Variants in DPP6 observed in about 807,000 individuals in gnomAD.
DPP6 encodes dipeptidyl peptidase like 6, also known as A-type potassium channel modulatory protein DPP6.
Under a neutral mutation model 122.6 loss-of-function variants are expected in DPP6, and 69 were observed. The ratio of observed to expected loss-of-function variants is 0.56; its 90% CI spans 0.46 to 0.69. The LOEUF is 0.69. DPP6 is among the 30% of genes least tolerant of loss of function. The probability of loss-of-function intolerance (pLI) is 0.00; values close to 1 mark genes in which losing one functional copy is unlikely to be tolerated. For synonymous variants in DPP6, 418 were observed against 433.1 expected (o/e 0.97, Z 0.43); for missense variants, 928 against 1,116.9 (o/e 0.83, Z 2.41).
chr7:154,215,303 C>T (rs1799940357), intron 1 of DPP6, among the ~76,000 whole-genome samples: 1 of 152,060 alleles, frequency 6.6e-6, no homozygotes, highest in African/African-American at 2.4e-5. Flanking sequence ...TGGGAAACCT[C>T]CCCCGTAATA....
intron 2 of DPP6, among the ~76,000 whole-genome samples, chr7:154,459,667 A>T (rs555869446): frequency 1.3e-5 from 2 of 151,872 alleles, no homozygotes; most frequent in African/African-American, 4.8e-5. Flanking sequence ...AAATACAAAA[A>T]TTAGACAGGC....
intron 3 of DPP6, among the ~76,000 whole-genome samples, chr7:154,531,877 C>G (rs1290302331): frequency 1.3e-5 from 2 of 151,870 alleles, no homozygotes; most frequent in Non-Finnish European, 2.9e-5. Context: ...ATTATAACTT[C>G]TAAGACAACC....
chr7:154,794,056 C>A, intron 10 of DPP6, 23 bp from the exon 11 acceptor site: 1 of 1,609,864 alleles, frequency 6.2e-7, no homozygotes, highest in Non-Finnish European at 8.5e-7. Context: ...CCAAGCTGCT[C>A]ATGCTGTGTT....
At chr7:154,545,203 C>T (rs1248907289) in intron 4 of DPP6, among the ~76,000 whole-genome samples, 3 of 152,014 alleles carry the variant, frequency 2.0e-5, no homozygotes, top group Non-Finnish European at 4.4e-5. Flanking sequence ...TGTTATTTTA[C>T]GTTTCATGCT....
chr7:154,717,806 A>G (rs969106329), intron 7 of DPP6, among the ~76,000 whole-genome samples: 1 of 152,014 alleles, frequency 6.6e-6, no homozygotes, highest in African/African-American at 2.4e-5. Flanking sequence ...TCTATTTTTC[A>G]TTTTTTAAGG....
chr7:153,848,310 C>T, the DPP6 span, among the ~76,000 whole-genome samples: 8 of 149,458 alleles, frequency 5.4e-5, no homozygotes, highest in East Asian at 2.0e-4. Flanking sequence ...CAGTCCTGCA[C>T]GTGGATGATT....
At chr7:154,573,326 C>A (rs1407026045) in intron 5 of DPP6, among the ~76,000 whole-genome samples, 1 of 152,196 alleles carries the variant, frequency 6.6e-6, no homozygotes, top group Admixed American at 6.5e-5. Context: ...GCAGGGCCTG[C>A]GTGTGCCATT....
intron 1 of DPP6, among the ~76,000 whole-genome samples, chr7:154,390,543 C>A (rs1814526669): frequency 6.6e-6 from 1 of 152,106 alleles, no homozygotes; most frequent in Non-Finnish European, 1.5e-5. Flanking sequence ...AAATAGATGT[C>A]TCTGTAAATT....
chr7:154,475,396 C>T, intron 3 of DPP6: 3 of 312,286 alleles, frequency 9.6e-6, no homozygotes, highest in Non-Finnish European at 1.9e-5. Context: ...AGCTTTCCTT[C>T]CTTCTCCACA....
chr7:154,582,496 A>G (rs1832138746), intron 5 of DPP6, among the ~76,000 whole-genome samples: 1 of 152,090 alleles, frequency 6.6e-6, no homozygotes, highest in Non-Finnish European at 1.5e-5. Context: ...TGGACAGAGG[A>G]GGGAGGAAGC....
At chr7:154,339,882 G>A (rs936538785) in intron 1 of DPP6, among the ~76,000 whole-genome samples, 3 of 152,086 alleles carry the variant, frequency 2.0e-5, no homozygotes, top group Non-Finnish European at 2.9e-5. Flanking sequence ...AAACCAGCCT[G>A]GCCAACATGG....
At chr7:154,504,478 G>T (rs942650012) in intron 3 of DPP6, among the ~76,000 whole-genome samples, 3 of 152,140 alleles carry the variant, frequency 2.0e-5, no homozygotes, top group Non-Finnish European at 4.4e-5. Context: ...TTCTGCCAAA[G>T]CCAAGAGCCT....
chr7:154,577,533 G>C (rs1409809426), intron 5 of DPP6, among the ~76,000 whole-genome samples: 1 of 152,224 alleles, frequency 6.6e-6, no homozygotes, highest in Non-Finnish European at 1.5e-5. Flanking sequence ...CAGTGATAAT[G>C]TAGTAATAAT....
At chr7:154,388,106 A>G (rs1814277862) in intron 1 of DPP6, among the ~76,000 whole-genome samples, 1 of 152,172 alleles carries the variant, frequency 6.6e-6, no homozygotes, top group African/African-American at 2.4e-5. Flanking sequence ...GTTCAAGACC[A>G]GCCTGGGCAA....
chr7:153,887,776 C>A lies in DPP6; in HGVS notation c.51+42C>A, dbSNP rs751154144. The A allele has an allele frequency of 3.1e-6, 5 of 1,603,424 alleles. No individual in the cohort carries two copies. In the East Asian group the frequency reaches 6.7e-5, roughly 22 times the overall value. Reference sequence around the variant, plus strand: ...GGGCGCGCGCTGGGTCGGGGGGACCCACCGTGAGGAGCGATGCTGGGGGAG... The same window carrying A: ...GGGCGCGCGCTGGGTCGGGGGGACCAACCGTGAGGAGCGATGCTGGGGGAG... On this transcript the variant is annotated intron_variant, in intron 1 of 25. Transcript: ENST00000404039.
chr7:154,396,876 C>T (rs538542056), intron 1 of DPP6, among the ~76,000 whole-genome samples: 12 of 152,260 alleles, frequency 7.9e-5, no homozygotes, highest in African/African-American at 2.6e-4. Context: ...ACCTAGGAGG[C>T]GGAGGTTGCA....
At chr7:154,862,895 T>C (rs571229257) in intron 17 of DPP6, among the ~76,000 whole-genome samples, 14 of 152,268 alleles carry the variant, frequency 9.2e-5, no homozygotes, top group African/African-American at 3.4e-4. Context: ...CTCTAACAAC[T>C]CAACATTCGG....
intron 1 of DPP6, among the ~76,000 whole-genome samples, chr7:154,303,351 A>C (rs776349510): frequency 1.3e-5 from 2 of 152,022 alleles, no homozygotes; most frequent in Non-Finnish European, 2.9e-5. Context: ...CTTCTTTCTG[A>C]GCCTGTTTAC....
chr7:154,001,713 G>C (rs1797700572), intron 1 of DPP6, among the ~76,000 whole-genome samples: 1 of 151,436 alleles, frequency 6.6e-6, no homozygotes, highest in Non-Finnish European at 1.5e-5. Flanking sequence ...TGAAGATACA[G>C]TTGGAAATTC....
Sources: allele counts gnomAD v4.1 joint callset (sites outside exome capture counted in the v4.1 genomes callset), GRCh38; gene constraint gnomAD v4.1.1; transcripts MANE v1.5; gene names NCBI Gene and HGNC (gene_info 2026-07-23, HGNC 2026-07-21).